Variants in TBL3 observed in about 807,000 individuals in gnomAD.
TBL3 encodes the protein transducin beta like 3.
In TBL3, 71 loss-of-function variants were observed where a neutral mutation model predicts 102.7. The observed-to-expected ratio is 0.69, with a 90% CI of 0.57 to 0.84. TBL3 has a LOEUF of 0.84. TBL3 is among the 40% of genes least tolerant of loss of function. The probability of loss-of-function intolerance (pLI) is 0.00; values close to 1 mark genes in which losing one functional copy is unlikely to be tolerated. For missense variants in TBL3, 1,188 were observed against 1,098.5 expected (o/e 1.08, Z -1.15); for synonymous variants, 578 against 477.7 (o/e 1.21, Z -2.74).
At chr16:1,977,854 G>T in intron 18 of TBL3, 54 bp downstream of exon 18, 1 of 1,579,390 alleles carries the variant, frequency 6.3e-7, no homozygotes. Context: ...CTGTGCTGTA[G>T]GGAAAACGAG....
intron 13 of TBL3, among the ~76,000 whole-genome samples, 162 bp from the exon 14 acceptor site, chr16:1,976,652 G>A (rs1402215692): frequency 1.3e-5 from 2 of 152,158 alleles, no homozygotes; most frequent in Admixed American, 6.5e-5. Flanking sequence ...AATGTAGACA[G>A]GGCTTGATCC....
intron 20 of TBL3, 33 bp downstream of exon 20, chr16:1,978,253 G>A (rs2083421570): frequency 6.2e-7 from 1 of 1,612,458 alleles, no homozygotes. Context: ...TGGCCCGGTG[G>A]GCAAGGGCCA....
At position 1,981,074 on chromosome 16, in the gene TBL3, C is replaced by T. The variant is rs779825603; in HGVS notation, c.*2389C>T. ...GAGGTGCTGGTCCAGGCACCCCCTTCCTATCCCTTGGGGCCACTAAGGACC... is the reference window on the plus strand; with the variant it reads ...GAGGTGCTGGTCCAGGCACCCCCTTTCTATCCCTTGGGGCCACTAAGGACC... On this transcript the variant is annotated 3_prime_UTR_variant, in exon 22 of 22. Coordinates refer to ENST00000568546, the MANE Select transcript of TBL3 (RefSeq NM_006453.3). The T allele has an allele frequency of 1.9e-6, 3 of 1,610,190 alleles. No homozygotes were observed. The highest frequency in any genetic ancestry group is 1.3e-5 in the African/African-American group (1 of 74,900).
rs962142156 is a variant in TBL3 at position 1,972,089 on chromosome 16, C to T, written c.-76C>T. The T allele has an allele frequency of 1.0e-5, 14 of 1,405,576 alleles. No individual in the cohort carries two copies. The Admixed American group carries it at 1.6e-4, about 16-fold the overall frequency. The allele number at this position is 1,405,576 out of a possible 1,614,324, so 87.1% of individuals were successfully genotyped here. A position where few individuals can be genotyped will look rare whatever the true frequency, so the allele number is the denominator to read the frequency against. ...GGAGTGTGGCGTTCTGTGAAGAGTT[C>T]GGTGCTAACCTCCCTCACGCGGCGG... On this transcript the variant is annotated 5_prime_UTR_variant, in exon 1 of 22. Transcript: ENST00000568546.
Position 1,974,989 on chromosome 16 carries a change from G to T in TBL3, c.526G>T (p.Ala176Ser). The T allele has an allele frequency of 6.2e-7, 1 of 1,607,892 alleles. No individual in the cohort carries two copies. Among genetic ancestry groups the T allele is most frequent in the African/African-American group, 1.3e-5 (1 of 75,062 alleles). The change falls in exon 7 of 22, where the codon GCC (alanine) becomes TCC (serine). Residue 176 changes from alanine (A) to serine (S), a missense_variant. Ala to Ser is a moderately conservative substitution (Grantham distance 99). Transcript: ENST00000568546. ...LLLFSSATDA[A>S]IRVWSLQDRS... Reference sequence around the variant, plus strand: ...GCTCTTCTCCTCGGCCACGGATGCCGCCATCCGCGTGTGGTCACTGCAGGA... The same window carrying T: ...GCTCTTCTCCTCGGCCACGGATGCCTCCATCCGCGTGTGGTCACTGCAGGA...
In TBL3 at chr16:1,979,496, A is replaced by G. The variant is rs758024492; in HGVS notation, c.*811A>G. On this transcript the variant is annotated 3_prime_UTR_variant, in exon 22 of 22. Transcript: ENST00000568546. ...GCGCCCCCGCGGGCACGGACAGCTC[A>G]TCTGCGCGGCTGCTCTCGTAGGCGC... is the stretch of plus-strand genomic sequence containing the variant. The G allele has an allele frequency of 1.2e-6, 2 of 1,610,368 alleles. No individual in the cohort carries two copies. The highest frequency in any genetic ancestry group is 1.1e-5 in the South Asian group (1 of 90,970).
At chr16:1,974,506 C>T in intron 4 of TBL3, 32 bp from the exon 5 acceptor site, 1 of 1,587,392 alleles carries the variant, frequency 6.3e-7, no homozygotes, top group Non-Finnish European at 8.6e-7. Context: ...CAGGGTATTG[C>T]TGCCCCTCTG....
chr16:1,979,339 G>C lies in TBL3; in HGVS notation c.*654G>C. On this transcript the variant is annotated 3_prime_UTR_variant, in exon 22 of 22. Transcript: ENST00000568546. Reference sequence around the variant, plus strand: ...AGCACCGCGGGGAGTAGGCCCGCCCGGTCGCCGTACCTGCGAGGGGCGGGG... The same window carrying C: ...AGCACCGCGGGGAGTAGGCCCGCCCCGTCGCCGTACCTGCGAGGGGCGGGG... The C allele has an allele frequency of 6.3e-7, 1 of 1,576,064 alleles. No homozygotes were observed. The highest frequency in any genetic ancestry group is 1.1e-5 in the South Asian group (1 of 87,858).
rs1026370023 is a variant in TBL3 at position 1,980,763 on chromosome 16, A to G, written c.*2078A>G. The G allele has an allele frequency of 1.9e-6, 3 of 1,569,974 alleles. No homozygotes were observed. The highest frequency in any genetic ancestry group is 2.6e-6 in the Non-Finnish European group (3 of 1,154,428). On this transcript the variant is annotated 3_prime_UTR_variant, in exon 22 of 22. Transcript: ENST00000568546. Reference sequence around the variant, plus strand: ...GCGGGAACCAGGGCATTGGTCTTCCAGAGCCCACTGTGCACCCTTGAGAGG... The same window carrying G: ...GCGGGAACCAGGGCATTGGTCTTCCGGAGCCCACTGTGCACCCTTGAGAGG...
rs753641321 is a variant in TBL3, at chr16:1,976,909, A to T, written c.1388A>T (p.Asp463Val). The T allele has an allele frequency of 6.2e-7, 1 of 1,613,958 alleles. No homozygotes were observed. The highest frequency in any genetic ancestry group is 1.7e-5 in the Admixed American group (1 of 60,014). The stretch of plus-strand genomic sequence containing the variant: ...TTGCTGTCCAAGAACACAGCCCCAG[A>T]CAACGGCCCTATCCTCCTGCAGGCC... ...KALLSKNTAP[D>V]NGPILLQAQT... Residue 463 changes from aspartate to valine, a missense_variant, in exon 14 of 22, where the codon GAC becomes GTC. Coordinates refer to ENST00000568546, the MANE Select transcript of TBL3 (RefSeq NM_006453.3).
chr16:1,980,202 G>T lies in TBL3; in HGVS notation c.*1517G>T. ...CCCGGCTGGGAAGGGCAGCCCGTAC[G>T]AGTGAGAGGTAGGCGGATGGGGAGG... On this transcript the variant is annotated 3_prime_UTR_variant, in exon 22 of 22. Coordinates refer to ENST00000568546, the MANE Select transcript of TBL3 (RefSeq NM_006453.3). The T allele has an allele frequency of 6.3e-7, 1 of 1,585,414 alleles. No individual in the cohort carries two copies. Among genetic ancestry groups the T allele is most frequent in the Non-Finnish European group, 8.6e-7 (1 of 1,168,580 alleles).
intron 1 of TBL3, among the ~76,000 whole-genome samples, chr16:1,972,691 C>G (rs1378925453): frequency 1.3e-5 from 2 of 152,246 alleles, no homozygotes; most frequent in Non-Finnish European, 2.9e-5. Flanking sequence ...CTTTGCCGAA[C>G]AGCAGTGCTG....
In TBL3 at chr16:1,980,708, C is replaced by T. The variant is rs750823818; in HGVS notation, c.*2023C>T. 9 of 1,605,432 alleles carry T rather than the reference C, an allele frequency of 5.6e-6. No homozygotes were observed. Among genetic ancestry groups the T allele is most frequent in the Non-Finnish European group, 8.5e-7 (1 of 1,176,418 alleles). On this transcript the variant is annotated 3_prime_UTR_variant, in exon 22 of 22. Coordinates refer to ENST00000568546, the MANE Select transcript of TBL3 (RefSeq NM_006453.3). Reference sequence around the variant, plus strand: ...ATCTCCGCAGCAGGCCCGCCTCCACCGGGAAGGTCTCCTTGAGGGTCTTCT... The same window carrying T: ...ATCTCCGCAGCAGGCCCGCCTCCACTGGGAAGGTCTCCTTGAGGGTCTTCT...
intron 1 of TBL3, 57 bp downstream of exon 1, chr16:1,972,262 G>T: frequency 7.7e-7 from 1 of 1,298,122 alleles, no homozygotes. Flanking sequence ...AGCCGGCATA[G>T]CGGAGGCGCG....
chr16:1,975,953 AGTGG>A lies in TBL3; in HGVS notation c.1129+6_1129+9del, dbSNP rs775197305. 2 of 1,614,030 alleles carry A rather than the reference AGTGG, an allele frequency of 1.2e-6. No homozygotes were observed. Among genetic ancestry groups the A allele is most frequent in the African/African-American group, 1.3e-5 (1 of 74,940 alleles). On this transcript the variant is annotated splice_donor_5th_base_variant and intron_variant, in intron 11 of 21. Transcript: ENST00000568546. ...CAGATCCTCCACGGCCACACGGGTG[AGTGG>A]GGCCAGCCCACCTGACACCCTGGGA...
rs768597601 is a variant in TBL3 at position 1,977,344 on chromosome 16, C to G, written c.1672-12C>G. 6 of 1,613,518 alleles carry G rather than the reference C, an allele frequency of 3.7e-6. No homozygotes were observed. The highest frequency in any genetic ancestry group is 1.3e-5 in the African/African-American group (1 of 75,026). On this transcript the variant is annotated splice_polypyrimidine_tract_variant and intron_variant, in intron 15 of 21. Coordinates refer to ENST00000568546, the MANE Select transcript of TBL3 (RefSeq NM_006453.3). ...CCTGGTGACATCTCATGCCCTACCC[C>G]CCACCTTGCAGACATTTGAGGGGCA...
rs2230086 is a variant in TBL3 at position 1,975,601 on chromosome 16, A to G, written c.878A>G (p.Gln293Arg). 162,195 of 1,601,250 alleles carry G rather than the reference A, an allele frequency of 0.1. 9,021 individuals carry two copies. The highest frequency in any genetic ancestry group is 0.12 in the African/African-American group (8,865 of 75,012). ...YTQAQPPGPG[Q>R]ELTHCTLAHT... ...CAGGCCCAGCCGCCGGGCCCTGGGC[A>G]GGAGCTGACCCACTGCACCCTGGCA... is the stretch of plus-strand genomic sequence containing the variant. The change falls in exon 10 of 22, where the codon CAG becomes CGG. Residue 293 changes from glutamine (Q) to arginine (R), a missense_variant. Transcript: ENST00000568546.
Sources: allele counts gnomAD v4.1 joint callset (sites outside exome capture counted in the v4.1 genomes callset), GRCh38; gene constraint gnomAD v4.1.1; transcripts MANE v1.5; gene names NCBI Gene and HGNC (gene_info 2026-07-23, HGNC 2026-07-21).